The following BEND4 variants were observed in gnomAD, a reference collection of about 807,000 sequenced individuals.
BEND4 encodes the protein BEN domain containing 4.
In BEND4, 27 loss-of-function variants were observed where a neutral mutation model predicts 54.7. That is an observed-to-expected ratio of 0.49 (90% CI 0.36 to 0.68). BEND4 has a LOEUF of 0.68. Among genes scored for constraint, BEND4 ranks in the 30% least tolerant of loss-of-function variants. The pLI, the probability that BEND4 is intolerant of heterozygous loss-of-function variation, is 0.00. For missense variants in BEND4, 702 were observed against 697.2 expected, an observed-to-expected ratio of 1.01 and a Z score of -0.08; for synonymous variants, 327 against 299.5, an observed-to-expected ratio of 1.09 and a Z score of -0.95.
Position 42,113,487 on chromosome 4 carries a change from A to AAC in BEND4, c.*4029_*4030dup, listed in dbSNP as rs1247732987. 1 of 152,194 alleles carries AAC rather than the reference A, an allele frequency of 6.6e-6. No homozygotes were observed. The highest frequency in any genetic ancestry group is 2.4e-5 in the African/African-American group (1 of 41,446). The allele number at this position is 152,194 out of a possible 1,614,324, so 9.4% of individuals were successfully genotyped here. ...TGATCTCCATCTGTTTTCTGAGAGC[A>AAC]ACAGAAGGGAGGCAACAAGCCATTG... is the stretch of plus-strand genomic sequence containing the variant. On this transcript the variant is annotated 3_prime_UTR_variant, in exon 6 of 6. Transcript: ENST00000502486.
intron 2 of BEND4, among the ~76,000 whole-genome samples, chr4:42,149,616 TA>T (rs1721191579): frequency 6.6e-6 from 1 of 152,142 alleles, no homozygotes; most frequent in Non-Finnish European, 1.5e-5. Context: ...TTCACTCCTT[TA>T]GATTTAGTGA....
intron 2 of BEND4, 185 bp from the exon 3 acceptor site, chr4:42,144,179 G>T: frequency 3.2e-6 from 2 of 634,626 alleles, no homozygotes; most frequent in Non-Finnish European, 5.6e-6. Flanking sequence ...TTCTGCGACT[G>T]CGGGATGCTT....
At chr4:42,121,316 T>C (rs911834490) in intron 4 of BEND4, among the ~76,000 whole-genome samples, 2 of 152,262 alleles carry the variant, frequency 1.3e-5, no homozygotes, top group Non-Finnish European at 2.9e-5. Context: ...GGCAGCCCGA[T>C]GCGGCTAGGA....
chr4:42,128,561 T>C (rs1720378577), intron 3 of BEND4, among the ~76,000 whole-genome samples: 1 of 150,380 alleles, frequency 6.6e-6, no homozygotes. Flanking sequence ...GAGGCGGAGC[T>C]TGCAGTGAGC....
intron 2 of BEND4, among the ~76,000 whole-genome samples, chr4:42,150,663 G>A (rs1560586391): frequency 6.6e-6 from 1 of 152,258 alleles, no homozygotes; most frequent in Non-Finnish European, 1.5e-5. Flanking sequence ...GGGAGCTGGT[G>A]GAGAGGTCCC....
At position 42,143,439 on chromosome 4, in the gene BEND4, T is replaced by C; in HGVS notation, c.1043A>G (p.Glu348Gly). 6.4e-7 allele frequency: 1 copy of C among 1,551,866 alleles called. No individual in the cohort carries two copies. Among genetic ancestry groups the C allele is most frequent in the Non-Finnish European group, 8.7e-7 (1 of 1,146,962 alleles). The change falls in exon 3 of 6, where the codon GAG becomes GGG. Residue 348 changes from glutamate to glycine, a missense_variant. Physicochemically the swap from Glu to Gly is moderately conservative, Grantham distance 98 (BLOSUM62 -2). Coordinates refer to ENST00000502486, the MANE Select transcript of BEND4 (RefSeq NM_207406.4). ...QENEELRRKL[E>G]SIPVPCQTVL... ...ATATGGCAGGATACCTGGGATGCTC[T>C]CTAATTTCCTTCTGAGCTCTTCATT...
chr4:42,119,146 A>G (rs1719962901), intron 5 of BEND4, among the ~76,000 whole-genome samples: 1 of 152,124 alleles, frequency 6.6e-6, no homozygotes, highest in South Asian at 2.1e-4. Flanking sequence ...TGAGCATCTC[A>G]GGAGGGAGTG....
chr4:42,113,975 G>A lies in BEND4; in HGVS notation c.*3543C>T, dbSNP rs776790008. 1.3e-5 allele frequency: 2 copies of A among 152,176 alleles called. No individual in the cohort carries two copies. Among genetic ancestry groups the A allele is most frequent in the Non-Finnish European group, 2.9e-5 (2 of 68,032 alleles). The allele number at this position is 152,176 out of a possible 1,614,324, so 9.4% of individuals were successfully genotyped here. ...AGGAAAACCAAAAAAGTGATGCGCG[G>A]GTTCAAGGGCTAGAGGAAATATTTA... On this transcript the variant is annotated 3_prime_UTR_variant, in exon 6 of 6. Transcript: ENST00000502486.
intron 1 of BEND4, 63 bp downstream of exon 1, chr4:42,152,469 G>C (rs953416028): frequency 1.7e-4 from 27 of 161,998 alleles, no homozygotes; most frequent in Non-Finnish European, 8.0e-5. Context: ...GCAGCCGCCC[G>C]CGGGGTCTGC....
At chr4:42,118,358 CA>C (rs142132941) in intron 5 of BEND4, among the ~76,000 whole-genome samples, 127 of 152,294 alleles carry the variant, frequency 8.3e-4, no homozygotes, top group African/African-American at 3.0e-3. Flanking sequence ...TACCAAAAAG[CA>C]ATTAACATGC....
rs143081659 is a variant in BEND4 at position 42,143,825 on chromosome 4, T to G, written c.657A>C (p.Lys219Asn). 1 of 1,583,726 alleles carries G rather than the reference T, an allele frequency of 6.3e-7. No individual in the cohort carries two copies. The highest frequency in any genetic ancestry group is 2.2e-5 in the East Asian group (1 of 44,754). ...NERQEHCHIGKGVHSQTSDNV... is the reference protein window; with the variant it reads ...NERQEHCHIGNGVHSQTSDNV... ...TGTCTGAGGTCTGACTGTGGACCCC[T>G]TTCCCAATGTGACAGTGCTCCTGTC... The change falls in exon 3 of 6, where the codon AAA becomes AAC. Residue 219 changes from lysine to asparagine, a missense_variant. Physicochemically the swap from Lys to Asn is moderately conservative, Grantham distance 94. Coordinates refer to ENST00000502486, the MANE Select transcript of BEND4 (RefSeq NM_207406.4).
At chr4:42,119,562 C>A (rs1719981085) in intron 5 of BEND4, among the ~76,000 whole-genome samples, 1 of 151,250 alleles carries the variant, frequency 6.6e-6, no homozygotes, top group Admixed American at 6.6e-5. Flanking sequence ...TTTTTTTAAC[C>A]AAAAGAGAAA....
rs1721335180 is a variant in BEND4, at chr4:42,152,313, C to A, written c.-170G>T. On this transcript the variant is annotated 5_prime_UTR_variant, in exon 2 of 6. Transcript: ENST00000502486. ...CGCCGCCTGTCGCTGAGGCTGGCATCGCCGAGCCCCCGCGCGGGGGGCTGC... is the reference window on the plus strand; with the variant it reads ...CGCCGCCTGTCGCTGAGGCTGGCATAGCCGAGCCCCCGCGCGGGGGGCTGC... 1 of 537,648 alleles carries A rather than the reference C, an allele frequency of 1.9e-6. No individual in the cohort carries two copies. The allele number at this position is 537,648 out of a possible 1,614,324, so 33.3% of individuals were successfully genotyped here. A position where few individuals can be genotyped will look rare whatever the true frequency, so the allele number is the denominator to read the frequency against.
rs1719787991 is a variant in BEND4, at chr4:42,115,687, C to T, written c.*1831G>A. On this transcript the variant is annotated 3_prime_UTR_variant, in exon 6 of 6. Transcript: ENST00000502486. ...ATAAGACAGACACTGACTTCTCGGA[C>T]CTCTAAAAAATGCTTTAAGAGGTAT... The T allele has an allele frequency of 6.6e-6, 1 of 152,170 alleles. No individual in the cohort carries two copies. The highest frequency in any genetic ancestry group is 1.5e-5 in the Non-Finnish European group (1 of 68,040). 9.4% of individuals were successfully genotyped at this position (152,170 alleles called of 1,614,324 possible). A position where few individuals can be genotyped will look rare whatever the true frequency, so the allele number is the denominator to read the frequency against.
intron 3 of BEND4, among the ~76,000 whole-genome samples, chr4:42,137,525 A>T (rs1223844676): frequency 1.3e-5 from 2 of 152,204 alleles, no homozygotes; most frequent in Admixed American, 1.3e-4. Context: ...TCAATGTAAC[A>T]AATTTGTACT....
intron 2 of BEND4, among the ~76,000 whole-genome samples, chr4:42,146,382 G>A (rs1048259928): frequency 1.3e-5 from 2 of 152,214 alleles, no homozygotes; most frequent in African/African-American, 4.8e-5. Flanking sequence ...AAGGTAGGTG[G>A]ACAGAACATA....
intron 3 of BEND4, among the ~76,000 whole-genome samples, chr4:42,139,210 ACTTT>A (rs1297413943): frequency 1.3e-5 from 2 of 152,166 alleles, no homozygotes; most frequent in Non-Finnish European, 2.9e-5. Flanking sequence ...TTCTAAACAG[ACTTT>A]CTAATTTTCT....
chr4:42,117,791 G>A (rs886297153), intron 5 of BEND4, 56 bp from the exon 6 acceptor site: 3 of 1,251,124 alleles, frequency 2.4e-6, no homozygotes, highest in Non-Finnish European at 3.4e-6. Context: ...GCTGGTTTTT[G>A]CAGAAGATGA....
chr4:42,151,958 G>C lies in BEND4; in HGVS notation c.186C>G (p.Phe62Leu), dbSNP rs1375938460. The C allele has an allele frequency of 3.9e-5, 49 of 1,248,382 alleles. No individual in the cohort carries two copies. The highest frequency in any genetic ancestry group is 4.7e-5 in the Non-Finnish European group (47 of 992,896). 77.3% of individuals were successfully genotyped at this position (1,248,382 alleles called of 1,614,324 possible). A position where few individuals can be genotyped will look rare whatever the true frequency, so the allele number is the denominator to read the frequency against. ...TGATGGAGACGGCGGCGTGCGGCGC[G>C]AAGGGCGGCGGGGGCGGCGGGGGCG... ...VRAPPPPPPP[F>L]APHAAVSISS... The change falls in exon 2 of 6, where the codon TTC becomes TTG. Residue 62 changes from phenylalanine (F) to leucine (L), a missense_variant. By Grantham distance (22) the Phe-to-Leu change is conservative. Coordinates refer to ENST00000502486, the MANE Select transcript of BEND4 (RefSeq NM_207406.4).
Sources: allele counts gnomAD v4.1 joint callset (sites outside exome capture counted in the v4.1 genomes callset), GRCh38; gene constraint gnomAD v4.1.1; transcripts MANE v1.5; gene names NCBI Gene and HGNC (gene_info 2026-07-23, HGNC 2026-07-21).